The following CDH11 variants were observed in gnomAD, a reference collection of about 807,000 sequenced individuals.
CDH11 encodes cadherin-11.
CDH11 carries 11 observed loss-of-function variants against 67.8 expected under a neutral mutation model. That is an observed-to-expected ratio of 0.16 (90% CI 0.10 to 0.27). CDH11 has a LOEUF of 0.27. Among genes scored for constraint, CDH11 ranks in the 10% least tolerant of loss-of-function variants. The probability of loss-of-function intolerance (pLI) is 1.00; values close to 1 mark genes in which losing one functional copy is unlikely to be tolerated. For missense variants in CDH11, 847 were observed against 1,031.2 expected (o/e 0.82, Z 2.45); for synonymous variants, 419 against 400.0 (o/e 1.05, Z -0.57).
intron 11 of CDH11, among the ~76,000 whole-genome samples, chr16:64,954,592 T>C (rs1202283345): frequency 6.6e-6 from 1 of 152,116 alleles, no homozygotes; most frequent in East Asian, 1.9e-4. Flanking sequence ...GCTGGTGAGC[T>C]GGTAAAGGTG....
At chr16:64,981,962 GA>G (rs930935406) in intron 8 of CDH11, 85 bp downstream of exon 8, 3 of 1,252,346 alleles carry the variant, frequency 2.4e-6, no homozygotes, top group Non-Finnish European at 3.3e-6. Flanking sequence ...TTTTGAAATT[GA>G]AAAACGTGGT....
At chr16:65,009,604 TTG>T (rs1179045275) in intron 2 of CDH11, among the ~76,000 whole-genome samples, 1 of 152,150 alleles carries the variant, frequency 6.6e-6, no homozygotes, top group East Asian at 1.9e-4. Context: ...GACCTTGATG[TTG>T]GTAATAATTA....
chr16:65,100,496 T>C (rs1302433932), intron 1 of CDH11, among the ~76,000 whole-genome samples: 4 of 152,100 alleles, frequency 2.6e-5, no homozygotes, highest in African/African-American at 7.2e-5. Context: ...CCCAGCACTT[T>C]AGAAGGCCGA....
intron 2 of CDH11, among the ~76,000 whole-genome samples, chr16:65,033,237 AACACACACACACAC>A (rs57645922): frequency 7.2e-6 from 1 of 139,518 alleles, no homozygotes; most frequent in African/African-American, 2.6e-5. Flanking sequence ...AAACTAGGAA[AACACACACACACAC>A]ACACACACAC....
At chr16:65,112,069 CAAAAAAAAA>C (rs35671651) in intron 1 of CDH11, among the ~76,000 whole-genome samples, 1 of 91,324 alleles carries the variant, frequency 1.1e-5, no homozygotes, top group African/African-American at 4.3e-5. Flanking sequence ...GACTCTGTCT[CAAAAAAAAA>C]AAAAAAAAAA....
intron 2 of CDH11, among the ~76,000 whole-genome samples, chr16:65,048,804 C>T (rs886607621): frequency 6.6e-6 from 1 of 151,698 alleles, no homozygotes; most frequent in Non-Finnish European, 1.5e-5. Context: ...ACACACACAA[C>T]GTTCTTTTTT....
At chr16:64,956,684 C>T (rs1567487941) in intron 11 of CDH11, among the ~76,000 whole-genome samples, 1 of 152,178 alleles carries the variant, frequency 6.6e-6, no homozygotes, top group Non-Finnish European at 1.5e-5. Flanking sequence ...TGTAGTGTTT[C>T]TATTAATGGA....
At chr16:65,097,512 C>T (rs371847444) in intron 1 of CDH11, among the ~76,000 whole-genome samples, 28 of 152,172 alleles carry the variant, frequency 1.8e-4, no homozygotes, top group African/African-American at 4.8e-5. Context: ...GGACGTCTAG[C>T]GGCATCCCTG....
intron 1 of CDH11, among the ~76,000 whole-genome samples, chr16:65,071,414 C>T (rs767994926): frequency 3.3e-5 from 5 of 152,046 alleles, no homozygotes; most frequent in African/African-American, 4.8e-5. Context: ...AAGGGAGAAA[C>T]GACTCTAAAA....
Position 64,947,593 on chromosome 16 carries a change from A to T in CDH11, c.*10T>A. On this transcript the variant is annotated 3_prime_UTR_variant, in exon 13 of 13. Transcript: ENST00000268603. ...ACACAGTTCTTAAGGCCAAATTTGTATCGTTATTGTTAAGAATCGTCATCA... is the reference window on the plus strand; with the variant it reads ...ACACAGTTCTTAAGGCCAAATTTGTTTCGTTATTGTTAAGAATCGTCATCA... 2 of 1,597,758 alleles carry T rather than the reference A, an allele frequency of 1.3e-6. No homozygotes were observed. Among genetic ancestry groups the T allele is most frequent in the Non-Finnish European group, 1.7e-6 (2 of 1,168,676 alleles).
chr16:65,099,917 G>A (rs1057258685), intron 1 of CDH11, among the ~76,000 whole-genome samples: 1 of 152,120 alleles, frequency 6.6e-6, no homozygotes, highest in Admixed American at 6.5e-5. Flanking sequence ...GAGAGCTGAA[G>A]GTCAGAGTGT....
At chr16:64,989,388 G>T (rs2072573078) in intron 6 of CDH11, among the ~76,000 whole-genome samples, 1 of 152,176 alleles carries the variant, frequency 6.6e-6, no homozygotes, top group African/African-American at 2.4e-5. Context: ...TAATGTGTGG[G>T]TGATAAGCAG....
intron 10 of CDH11, 79 bp from the exon 11 acceptor site, chr16:64,971,775 A>G: frequency 1.4e-6 from 2 of 1,408,964 alleles, no homozygotes; most frequent in South Asian, 2.4e-5. Context: ...GGCTGGCTAG[A>G]AAGCCTGATT....
chr16:65,101,080 A>G (rs1259441219), intron 1 of CDH11, among the ~76,000 whole-genome samples: 1 of 152,194 alleles, frequency 6.6e-6, no homozygotes, highest in African/African-American at 2.4e-5. Flanking sequence ...ATATTCTTCC[A>G]GGCATAGCAC....
chr16:65,093,957 G>A (rs777656948), intron 1 of CDH11, among the ~76,000 whole-genome samples: 1 of 152,150 alleles, frequency 6.6e-6, no homozygotes, highest in African/African-American at 2.4e-5. Context: ...ATTTGATAGG[G>A]TTTAACTAAA....
At chr16:65,077,167 T>C (rs2074526910) in intron 1 of CDH11, among the ~76,000 whole-genome samples, 1 of 152,192 alleles carries the variant, frequency 6.6e-6, no homozygotes, top group African/African-American at 2.4e-5. Context: ...CACAAAATAG[T>C]AAAGATACCT....
intron 3 of CDH11, among the ~76,000 whole-genome samples, chr16:65,003,842 A>G (rs577804437): frequency 6.6e-6 from 1 of 152,342 alleles, no homozygotes; most frequent in African/African-American, 2.4e-5. Flanking sequence ...GCATCAGGAC[A>G]TAAGTACACA....
intron 12 of CDH11, chr16:64,948,833 G>A: frequency 4.6e-6 from 6 of 1,315,444 alleles, no homozygotes; most frequent in Non-Finnish European, 6.3e-6. Flanking sequence ...TTCAGGCACA[G>A]TTTAATTCTT....
upstream of CDH11, chr16:65,122,218 G>A (rs2075347857): frequency 9.7e-6 from 5 of 516,698 alleles, no homozygotes; most frequent in Non-Finnish European, 1.7e-5. Context: ...GCGAGAGGCA[G>A]CGAGATGGGC....
Sources: gnomAD v4.1 joint callset for allele counts (sites outside exome capture counted in the v4.1 genomes callset) on GRCh38, gnomAD v4.1.1 for gene constraint, MANE v1.5 for transcripts, NCBI Gene and HGNC (gene_info 2026-07-23, HGNC 2026-07-21) for gene names.